Variants in PITRM1 observed in about 807,000 individuals in gnomAD.
PITRM1 encodes pitrilysin metallopeptidase 1.
PITRM1 carries 100 observed loss-of-function variants against 129.9 expected under a neutral mutation model. That is an observed-to-expected ratio of 0.77 (90% CI 0.65 to 0.91). The LOEUF (loss-of-function observed/expected upper bound fraction) is 0.91. PITRM1 is among the 40% of genes least tolerant of loss of function. The pLI is 0.00. For synonymous variants in PITRM1, 591 were observed against 508.8 expected (o/e 1.16, Z -2.17); for missense variants, 1,471 against 1,318.3 (o/e 1.12, Z -1.79).
At chr10:3,172,581 G>A (rs1006905091) in intron 1 of PITRM1, 136 bp downstream of exon 1, 1 of 769,174 alleles carries the variant, frequency 1.3e-6, no homozygotes, top group Non-Finnish European at 2.0e-6. Context: ...GGAAGGGCTC[G>A]GGGTGCGGGA....
chr10:3,153,279 A>AGGCC (rs1400363435), intron 14 of PITRM1, among the ~76,000 whole-genome samples: 1 of 152,230 alleles, frequency 6.6e-6, no homozygotes, highest in Non-Finnish European at 1.5e-5. Context: ...CACGAATATG[A>AGGCC]AGTAATTTAG....
At chr10:3,169,350 C>G (rs1412763114) in intron 2 of PITRM1, among the ~76,000 whole-genome samples, 2 of 152,180 alleles carry the variant, frequency 1.3e-5, no homozygotes, top group African/African-American at 2.4e-5. Flanking sequence ...ACACCACCCT[C>G]TCCAGGAGCT....
In PITRM1 at chr10:3,155,671, T is replaced by C. The variant is rs748624706; in HGVS notation, c.1541A>G (p.Gln514Arg). ...GAGCTTCGTGGCTTCCACCTGTGCC[T>C]GCTTCTCGTGATACTTGTCATCTGG... Reference protein sequence around the residue: ...MRPDDKYHEKQAQVEATKLKQ... With the variant: ...MRPDDKYHEKRAQVEATKLKQ... The change falls in exon 14 of 27, where the codon CAG becomes CGG. Residue 514 changes from glutamine to arginine, a missense_variant. Coordinates refer to ENST00000224949, the MANE Select transcript of PITRM1 (RefSeq NM_014889.4). 3.8e-5 allele frequency: 62 copies of C among 1,613,834 alleles called. No homozygotes were observed. The highest frequency in any genetic ancestry group is 5.0e-5 in the Admixed American group (3 of 60,000).
At chr10:3,169,982 C>G in intron 2 of PITRM1, 122 bp downstream of exon 2, 1 of 641,430 alleles carries the variant, frequency 1.6e-6, no homozygotes, top group Non-Finnish European at 2.7e-6. Context: ...GGAGCTGGGC[C>G]AGGGCCTTGG....
intron 22 of PITRM1, 97 bp downstream of exon 22, chr10:3,144,195 G>T: frequency 1.4e-6 from 1 of 713,284 alleles, no homozygotes; most frequent in Non-Finnish European, 2.4e-6. Context: ...CAGCCCCACA[G>T]ACAGGCGGAC....
chr10:3,171,961 G>A (rs530229900), intron 1 of PITRM1, among the ~76,000 whole-genome samples: 2 of 152,330 alleles, frequency 1.3e-5, no homozygotes, highest in African/African-American at 4.8e-5. Context: ...AATATGTACA[G>A]GAAGAAAAAA....
chr10:3,148,431 C>T (rs530925953), intron 16 of PITRM1, 140 bp from the exon 17 acceptor site: 358 of 1,082,482 alleles, frequency 3.3e-4, no homozygotes, highest in Non-Finnish European at 4.2e-4. Context: ...CTTCGAAGGT[C>T]ATAAGCAGGT....
At chr10:3,161,726 C>T (rs1842456191) in intron 7 of PITRM1, among the ~76,000 whole-genome samples, 1 of 151,962 alleles carries the variant, frequency 6.6e-6, no homozygotes, top group African/African-American at 2.4e-5. Flanking sequence ...AACGGGCCCA[C>T]AGCTGGGGCA....
intron 16 of PITRM1, chr10:3,148,930 C>T (rs1841217639): frequency 6.6e-6 from 1 of 152,322 alleles, no homozygotes; most frequent in African/African-American, 2.4e-5. Flanking sequence ...ATTTTTCCAT[C>T]TGAGCGGACC....
At chr10:3,145,747 A>G (rs1180970680) in intron 20 of PITRM1, 31 bp from the exon 21 acceptor site, 1 of 1,485,460 alleles carries the variant, frequency 6.7e-7, no homozygotes, top group East Asian at 2.5e-5. Context: ...ACATAAAACC[A>G]CTGTTAGAAA....
At position 3,171,146 on chromosome 10, in the gene PITRM1, TTAAA is replaced by T. The variant is rs1270509470; in HGVS notation, c.57-944_57-941del. On this transcript the variant is annotated intron_variant, in intron 1 of 26. Coordinates refer to ENST00000224949, the MANE Select transcript of PITRM1 (RefSeq NM_014889.4). ...GATAAAGTGCGGACTAATCGTTCAA[TTAAA>T]AAAAAAAAAAAAAAAAAAAAAAAAA... Among the ~76,000 whole-genome samples, 17 of 36,238 alleles carry T rather than the reference TTAAA, an allele frequency of 4.7e-4. 2 individuals are homozygous for T. The highest frequency in any genetic ancestry group is 5.5e-4 in the African/African-American group (6 of 10,904). The allele number at this position is 36,238 out of a possible 152,430, so 23.8% of individuals were successfully genotyped here. A position where few individuals can be genotyped will look rare whatever the true frequency, so the allele number is the denominator to read the frequency against.
intron 24 of PITRM1, among the ~76,000 whole-genome samples, 182 bp from the exon 25 acceptor site, chr10:3,139,231 T>C (rs561566533): frequency 6.6e-6 from 1 of 152,260 alleles, no homozygotes; most frequent in South Asian, 2.1e-4. Flanking sequence ...TTAAATCTGA[T>C]CACATAAGCC....
chr10:3,157,874 T>TAGTAACAGAAGGTAGCAGAGATA, intron 11 of PITRM1, among the ~76,000 whole-genome samples, 166 bp downstream of exon 11: 1 of 152,180 alleles, frequency 6.6e-6, no homozygotes, highest in Non-Finnish European at 1.5e-5. Context: ...TGAAGAGTTT[T>TAGTAACAGAAGGTAGCAGAGATA]AGTAACAGAA....
chr10:3,149,546 C>A (rs1185526768), intron 16 of PITRM1, 75 bp downstream of exon 16: 1 of 1,373,830 alleles, frequency 7.3e-7, no homozygotes, highest in East Asian at 2.5e-5. Flanking sequence ...GTAATTCCTA[C>A]TGATGCATTA....
intron 22 of PITRM1, 95 bp downstream of exon 22, chr10:3,144,197 C>A: frequency 1.4e-6 from 1 of 718,922 alleles, no homozygotes; most frequent in Non-Finnish European, 2.4e-6. Context: ...GCCCCACAGA[C>A]AGGCGGACGG....
At chr10:3,169,334 G>A (rs945412293) in intron 2 of PITRM1, among the ~76,000 whole-genome samples, 4 of 152,080 alleles carry the variant, frequency 2.6e-5, no homozygotes, top group Non-Finnish European at 4.4e-5. Flanking sequence ...AGGCAGCCAC[G>A]TTCTCACACC....
intron 2 of PITRM1, 121 bp from the exon 3 acceptor site, chr10:3,167,163 A>C (rs1025973649): frequency 1.6e-6 from 1 of 618,052 alleles, no homozygotes; most frequent in Non-Finnish European, 2.9e-6. Flanking sequence ...CCGGGAAGGC[A>C]GTATTTCAGA....
chr10:3,145,397 G>C (rs1840749155), intron 21 of PITRM1, 199 bp downstream of exon 21: 9 of 578,524 alleles, frequency 1.6e-5, no homozygotes. Context: ...CCACACCGCA[G>C]GGTCTGAACT....
intron 16 of PITRM1, 105 bp from the exon 17 acceptor site, chr10:3,148,396 C>T: frequency 2.1e-6 from 3 of 1,426,392 alleles, no homozygotes; most frequent in South Asian, 2.7e-5. Flanking sequence ...AATTCAATAA[C>T]TGCGGCTTTG....
Sources: gnomAD v4.1 joint callset for allele counts (sites outside exome capture counted in the v4.1 genomes callset) on GRCh38, gnomAD v4.1.1 for gene constraint, MANE v1.5 for transcripts, NCBI Gene and HGNC (gene_info 2026-07-23, HGNC 2026-07-21) for gene names.